Variants in SLC24A2 observed in about 807,000 individuals in gnomAD.
The protein encoded by SLC24A2 is sodium/potassium/calcium exchanger 2.
In SLC24A2, 36 loss-of-function variants were observed where a neutral mutation model predicts 62.0. The ratio of observed to expected loss-of-function variants is 0.58; its 90% CI spans 0.44 to 0.77. The LOEUF (loss-of-function observed/expected upper bound fraction) is 0.77, where lower values mean the gene tolerates loss of function less well. Among genes scored for constraint, SLC24A2 ranks in the 30% least tolerant of loss-of-function variants. The pLI, the probability that SLC24A2 is intolerant of heterozygous loss-of-function variation, is 0.00. For synonymous variants in SLC24A2, 358 were observed against 294.0 expected (o/e 1.22, Z -2.23); for missense variants, 846 against 817.9 (o/e 1.03, Z -0.42).
intron 2 of SLC24A2, among the ~76,000 whole-genome samples, chr9:19,714,674 T>C (rs967508660): frequency 5.9e-5 from 9 of 152,194 alleles, no homozygotes; most frequent in African/African-American, 2.2e-4. Flanking sequence ...AACATGATGT[T>C]ATGAAATACA....
the SLC24A2 span, among the ~76,000 whole-genome samples, chr9:20,280,690 G>A: frequency 6.6e-6 from 1 of 152,190 alleles, no homozygotes; most frequent in Non-Finnish European, 1.5e-5. Context: ...AACACCAGAG[G>A]CTATGAATGT....
At chr9:19,988,037 C>G in the SLC24A2 span, among the ~76,000 whole-genome samples, 1 of 152,214 alleles carries the variant, frequency 6.6e-6, no homozygotes, top group Non-Finnish European at 1.5e-5. Context: ...ATTATGACTG[C>G]TGTGGAAATA....
At chr9:19,718,371 C>A (rs1356824973) in intron 2 of SLC24A2, among the ~76,000 whole-genome samples, 4 of 140,806 alleles carry the variant, frequency 2.8e-5, no homozygotes, top group Non-Finnish European at 6.0e-5. Context: ...CAGCTCACTG[C>A]AACCTCTGCC....
the SLC24A2 span, among the ~76,000 whole-genome samples, chr9:20,120,373 C>T: frequency 6.6e-6 from 1 of 152,084 alleles, no homozygotes; most frequent in African/African-American, 2.4e-5. Flanking sequence ...TACTACATAG[C>T]CATGAAAAAG....
At chr9:20,151,359 A>G in the SLC24A2 span, among the ~76,000 whole-genome samples, 13 of 152,038 alleles carry the variant, frequency 8.6e-5, no homozygotes, top group Middle Eastern at 3.4e-3. Context: ...GCCGACTTCC[A>G]TAACAACAGC....
At chr9:19,941,742 C>A in the SLC24A2 span, among the ~76,000 whole-genome samples, 1 of 152,092 alleles carries the variant, frequency 6.6e-6, no homozygotes, top group Admixed American at 6.5e-5. Context: ...AATAAAATTA[C>A]TAGAGATATT....
At chr9:20,048,766 T>C in the SLC24A2 span, among the ~76,000 whole-genome samples, 9 of 152,094 alleles carry the variant, frequency 5.9e-5, no homozygotes, top group African/African-American at 2.2e-4. Context: ...AATCTCAATA[T>C]TTCCAGTGTG....
chr9:19,952,693 G>T, the SLC24A2 span, among the ~76,000 whole-genome samples: 35,555 of 146,766 alleles, frequency 0.24, 5,263 homozygotes, highest in South Asian at 0.4. Flanking sequence ...TTCATGAGGT[G>T]CAATCGTCTG....
At chr9:20,101,690 G>A in the SLC24A2 span, among the ~76,000 whole-genome samples, 1 of 152,066 alleles carries the variant, frequency 6.6e-6, no homozygotes, top group Non-Finnish European at 1.5e-5. Context: ...GGGAAAGTAA[G>A]GACATTATAA....
At chr9:19,964,224 TG>T in the SLC24A2 span, among the ~76,000 whole-genome samples, 1 of 56,694 alleles carries the variant, frequency 1.8e-5, no homozygotes, top group Admixed American at 2.9e-4. Context: ...TGTTGTGGGG[TG>T]GGGGGAGGGG....
intron 8 of SLC24A2, among the ~76,000 whole-genome samples, 194 bp from the exon 9 acceptor site, chr9:19,528,332 G>T (rs1833532772): frequency 6.6e-6 from 1 of 152,174 alleles, no homozygotes; most frequent in Non-Finnish European, 1.5e-5. Flanking sequence ...ATGTGAAATT[G>T]ATAGGAACTG....
the SLC24A2 span, among the ~76,000 whole-genome samples, chr9:20,284,402 C>G: frequency 3.3e-5 from 5 of 152,090 alleles, no homozygotes; most frequent in Admixed American, 2.6e-4. Flanking sequence ...CTCAACCTCC[C>G]GAGTAGCTGG....
the SLC24A2 span, among the ~76,000 whole-genome samples, chr9:19,903,672 C>T: frequency 6.6e-6 from 1 of 152,096 alleles, no homozygotes; most frequent in African/African-American, 2.4e-5. Flanking sequence ...TATGAAATCT[C>T]AGAAATATCC....
At chr9:19,616,375 A>G (rs1245652852) in intron 4 of SLC24A2, among the ~76,000 whole-genome samples, 1 of 152,188 alleles carries the variant, frequency 6.6e-6, no homozygotes, top group African/African-American at 2.4e-5. Flanking sequence ...AGATGAGGAA[A>G]CTGAGATACG....
chr9:20,155,195 T>A, the SLC24A2 span, among the ~76,000 whole-genome samples: 1 of 151,314 alleles, frequency 6.6e-6, no homozygotes, highest in Non-Finnish European at 1.5e-5. Context: ...TGTAGAGAAT[T>A]AACAAGGAGC....
the SLC24A2 span, among the ~76,000 whole-genome samples, chr9:20,000,268 G>C: frequency 1.3e-5 from 2 of 152,120 alleles, no homozygotes; most frequent in Non-Finnish European, 2.9e-5. Context: ...CATGGACTTT[G>C]CTCATAACAG....
chr9:19,695,679 C>CAAAAAAAAAAAA (rs66668393), intron 2 of SLC24A2, among the ~76,000 whole-genome samples: 3 of 73,538 alleles, frequency 4.1e-5, no homozygotes, highest in Non-Finnish European at 7.2e-5. Context: ...TTGTTAGTAG[C>CAAAAAAAAAAAA]AAAAAAAAAA....
At chr9:19,583,872 G>A (rs764431246) in intron 5 of SLC24A2, among the ~76,000 whole-genome samples, 26 of 152,142 alleles carry the variant, frequency 1.7e-4, no homozygotes, top group Non-Finnish European at 3.1e-4. Context: ...ATAAAGATCA[G>A]GGCAGGGAAA....
At chr9:19,667,232 C>T (rs1385179827) in intron 2 of SLC24A2, among the ~76,000 whole-genome samples, 1 of 152,166 alleles carries the variant, frequency 6.6e-6, no homozygotes, top group African/African-American at 2.4e-5. Context: ...CTTCTGCAAC[C>T]TGGTTATTTC....
Sources: allele counts gnomAD v4.1 joint callset (sites outside exome capture counted in the v4.1 genomes callset), GRCh38; gene constraint gnomAD v4.1.1; transcripts MANE v1.5; gene names NCBI Gene and HGNC (gene_info 2026-07-23, HGNC 2026-07-21).